AGPAT3: variants seen among roughly 807,000 people sequenced by gnomAD.
AGPAT3 encodes 1-acyl-sn-glycerol-3-phosphate acyltransferase gamma.
A neutral mutation model predicts 47.3 loss-of-function variants in AGPAT3; 5 were observed. The observed-to-expected ratio is 0.11, with a 90% CI of 0.06 to 0.22. The LOEUF (loss-of-function observed/expected upper bound fraction) is 0.22. Among genes scored for constraint, AGPAT3 ranks in the 10% least tolerant of loss-of-function variants. The pLI, the probability that AGPAT3 is intolerant of heterozygous loss-of-function variation, is 1.00. For synonymous variants in AGPAT3, 212 were observed against 208.3 expected (o/e 1.02, Z -0.15); for missense variants, 315 against 493.0 (o/e 0.64, Z 3.42).
At chr21:43,980,687 G>A (rs1296869732) in intron 8 of AGPAT3, among the ~76,000 whole-genome samples, 2 of 152,230 alleles carry the variant, frequency 1.3e-5, no homozygotes, top group Non-Finnish European at 2.9e-5. Context: ...GGTGGCCGGG[G>A]CAGTGCTGGG....
At chr21:43,969,975 A>C (rs970856831) in intron 5 of AGPAT3, among the ~76,000 whole-genome samples, 1 of 149,158 alleles carries the variant, frequency 6.7e-6, no homozygotes, top group Admixed American at 6.7e-5. Context: ...CTGGGATTAT[A>C]GGCATGAGCC....
At chr21:43,902,197 C>T (rs569730337) in intron 1 of AGPAT3, among the ~76,000 whole-genome samples, 5 of 152,212 alleles carry the variant, frequency 3.3e-5, no homozygotes, top group South Asian at 2.1e-4. Context: ...AAATGAGAGC[C>T]GGTTTCTGAT....
intron 4 of AGPAT3, 99 bp from the exon 5 acceptor site, chr21:43,969,019 C>T (rs971424677): frequency 7.8e-5 from 103 of 1,325,968 alleles, no homozygotes; most frequent in East Asian, 2.2e-4. Context: ...ACTCCTAGAG[C>T]GACACCACAC....
intron 1 of AGPAT3, among the ~76,000 whole-genome samples, chr21:43,871,280 A>G (rs1391599397): frequency 6.6e-6 from 1 of 152,240 alleles, no homozygotes; most frequent in South Asian, 2.1e-4. Flanking sequence ...TGTCTCAGGG[A>G]TGGCTGCTGG....
At chr21:43,942,316 C>A (rs1003646893) in intron 2 of AGPAT3, among the ~76,000 whole-genome samples, 1 of 152,200 alleles carries the variant, frequency 6.6e-6, no homozygotes, top group African/African-American at 2.4e-5. Context: ...GATGGCACCA[C>A]GGGTCCAGGG....
chr21:43,938,332 T>G (rs1255420506), intron 2 of AGPAT3, among the ~76,000 whole-genome samples: 2 of 148,514 alleles, frequency 1.3e-5, no homozygotes, highest in African/African-American at 5.0e-5. Flanking sequence ...TTTTTTTTTT[T>G]TTTTTTTTTG....
chr21:43,961,768 A>T (rs866210006), intron 3 of AGPAT3, among the ~76,000 whole-genome samples: 4 of 135,104 alleles, frequency 3.0e-5, no homozygotes, highest in Non-Finnish European at 4.8e-5. Flanking sequence ...TGTCTCATGT[A>T]GGAAATGGTG....
intron 7 of AGPAT3, among the ~76,000 whole-genome samples, chr21:43,972,366 G>A (rs376037209): frequency 9.9e-5 from 15 of 152,182 alleles, no homozygotes; most frequent in South Asian, 6.2e-4. Flanking sequence ...GGCTGGACTC[G>A]AACTCCTGAC....
At chr21:43,904,065 A>T (rs372453870) in intron 2 of AGPAT3, 46 bp downstream of exon 2, 1 of 146,446 alleles carries the variant, frequency 6.8e-6, no homozygotes. Context: ...CGTGTGTGAG[A>T]GTGTGTGTGT....
chr21:43,985,194 C>A lies in AGPAT3; in HGVS notation c.*2802C>A, dbSNP rs1465922489. On this transcript the variant is annotated 3_prime_UTR_variant, in exon 10 of 10. Coordinates refer to ENST00000291572, the MANE Select transcript of AGPAT3 (RefSeq NM_020132.5). ...TCATGGGGTCTCCTGCCCATCTTCCCAAGGATGCCATTGCTGTCTTCATCG... is the reference window on the plus strand; with the variant it reads ...TCATGGGGTCTCCTGCCCATCTTCCAAAGGATGCCATTGCTGTCTTCATCG... 1 of 456,298 alleles carries A rather than the reference C, an allele frequency of 2.2e-6. No individual in the cohort carries two copies. Among genetic ancestry groups the A allele is most frequent in the African/African-American group, 2.0e-5 (1 of 50,190 alleles). 28.3% of individuals were successfully genotyped at this position (456,298 alleles called of 1,614,324 possible). A position where few individuals can be genotyped will look rare whatever the true frequency, so the allele number is the denominator to read the frequency against.
intron 4 of AGPAT3, among the ~76,000 whole-genome samples, chr21:43,968,892 C>A (rs2089271823): frequency 1.3e-5 from 2 of 152,280 alleles, no homozygotes; most frequent in East Asian, 3.9e-4. Flanking sequence ...CATCCACCTT[C>A]CCTGAGGGCC....
At chr21:43,947,264 C>T (rs1298294156) in intron 2 of AGPAT3, among the ~76,000 whole-genome samples, 6 of 152,224 alleles carry the variant, frequency 3.9e-5, no homozygotes, top group Admixed American at 6.5e-5. Flanking sequence ...TCTTTAGTTC[C>T]GATTCCCGGT....
Position 43,908,565 on chromosome 21 carries a change from G to T in AGPAT3, c.-49+4546G>T, listed in dbSNP as rs545646542. On this transcript the variant is annotated intron_variant, in intron 2 of 9. Transcript: ENST00000291572. This position sits in a 1 kb window ranked among gnomAD's most constrained non-coding sequence, Gnocchi z 4.9. Reference sequence around the variant, plus strand: ...GCATAGACAGAAGGTGAGGGCATGGGGTAGGGGGAGTGGAGCCGTGGGTGC... The same window carrying T: ...GCATAGACAGAAGGTGAGGGCATGGTGTAGGGGGAGTGGAGCCGTGGGTGC... 3.9e-5 allele frequency among the ~76,000 whole-genome samples: 6 copies of T among 152,352 alleles called. No individual in the cohort carries two copies. Among genetic ancestry groups the T allele is most frequent in the African/African-American group, 1.4e-4 (6 of 41,576 alleles).
chr21:43,905,747 C>G (rs1601267233), intron 2 of AGPAT3, among the ~76,000 whole-genome samples: 1 of 152,238 alleles, frequency 6.6e-6, no homozygotes, highest in Non-Finnish European at 1.5e-5. Context: ...CCTGCACCCC[C>G]CAGTTCAGCT....
At chr21:43,904,596 G>A (rs947414436) in intron 2 of AGPAT3, among the ~76,000 whole-genome samples, 10 of 152,296 alleles carry the variant, frequency 6.6e-5, no homozygotes, top group African/African-American at 2.4e-4. Flanking sequence ...GGAAGCCCTG[G>A]GTTTGGTGGA....
intron 1 of AGPAT3, among the ~76,000 whole-genome samples, chr21:43,900,505 C>T (rs1165663931): frequency 3.9e-5 from 6 of 152,062 alleles, no homozygotes; most frequent in African/African-American, 1.4e-4. Context: ...GGAACCAGGA[C>T]CTGGTGGAGA....
chr21:43,896,712 A>G (rs1034711672), intron 1 of AGPAT3, among the ~76,000 whole-genome samples: 1 of 152,216 alleles, frequency 6.6e-6, no homozygotes, highest in African/African-American at 2.4e-5. Context: ...TTCCTTATGA[A>G]TGAAGCGACT....
At chr21:43,921,403 TGGGAACCCCA>T (rs2146194986) in intron 2 of AGPAT3, among the ~76,000 whole-genome samples, 1 of 152,094 alleles carries the variant, frequency 6.6e-6, no homozygotes, top group East Asian at 1.9e-4. Context: ...GAGGGCACCG[TGGGAACCCCA>T]GCTTAGCCGG....
chr21:43,963,536 C>T (rs886682426), intron 3 of AGPAT3, among the ~76,000 whole-genome samples: 18 of 151,874 alleles, frequency 1.2e-4, no homozygotes, highest in African/African-American at 4.4e-4. Flanking sequence ...ATGGTGAAAC[C>T]CCATCTCTAC....
Sources: gnomAD v4.1 joint callset for allele counts (sites outside exome capture counted in the v4.1 genomes callset) on GRCh38, gnomAD v4.1.1 for gene constraint, Gnocchi (gnomAD v3.1) non-coding constraint, MANE v1.5 for transcripts, NCBI Gene and HGNC (gene_info 2026-07-23, HGNC 2026-07-21) for gene names.